Variants in SLC66A1 observed in about 807,000 individuals in gnomAD.
The protein encoded by SLC66A1 is lysosomal amino acid transporter 1 homolog.
Under a neutral mutation model 33.0 loss-of-function variants are expected in SLC66A1, and 23 were observed. That is an observed-to-expected ratio of 0.70 (90% CI 0.50 to 0.99). The LOEUF (loss-of-function observed/expected upper bound fraction) is 0.99. Ranked by LOEUF, SLC66A1 falls within the 50% of genes least tolerant of loss-of-function variation. The probability of loss-of-function intolerance (pLI) is 0.00; values close to 1 mark genes in which losing one functional copy is unlikely to be tolerated. For synonymous variants in SLC66A1, 164 were observed against 175.5 expected (o/e 0.93, Z 0.52); for missense variants, 335 against 383.6 (o/e 0.87, Z 1.06).
At position 19,327,412 on chromosome 1, in the gene SLC66A1, C is replaced by A. The variant is rs746345821; in HGVS notation, c.804C>A (p.Ile268=). The A allele has an allele frequency of 1.3e-6, 2 of 1,587,176 alleles. No homozygotes were observed. The highest frequency in any genetic ancestry group is 1.7e-6 in the Non-Finnish European group (2 of 1,166,220). ...TGGGCGTGCTGCTGCTCGACACCATCGTATCCTTCAGGGCGTGTGGGGCAG... is the reference window on the plus strand; with the variant it reads ...TGGGCGTGCTGCTGCTCGACACCATAGTATCCTTCAGGGCGTGTGGGGCAG... The part of the protein sequence containing the change: ...GSLGVLLLDT[I]ISIQFLVYRR... The change falls in exon 7 of 8, where the codon ATC becomes ATA. Residue 268 remains isoleucine (I), a splice_region_variant and synonymous_variant. Transcript: ENST00000375153.
chr1:19,330,356 G>A (rs2093889077), downstream of SLC66A1, among the ~76,000 whole-genome samples: 2 of 152,170 alleles, frequency 1.3e-5, no homozygotes, highest in Non-Finnish European at 2.9e-5. Context: ...TCCCAGCCCC[G>A]GAGAAGGGAA....
chr1:19,324,291 G>A (rs2093851906), intron 2 of SLC66A1, among the ~76,000 whole-genome samples: 1 of 152,226 alleles, frequency 6.6e-6, no homozygotes, highest in Admixed American at 6.5e-5. Context: ...TGCAGCGGTT[G>A]TCAGGGCCCA....
chr1:19,324,442 CA>C (rs1195393829), intron 2 of SLC66A1, among the ~76,000 whole-genome samples, 190 bp from the exon 3 acceptor site: 1 of 152,356 alleles, frequency 6.6e-6, no homozygotes, highest in East Asian at 1.9e-4. Flanking sequence ...AGGGATTCCC[CA>C]GGGGACTCCT....
intron 6 of SLC66A1, 150 bp downstream of exon 6, chr1:19,326,773 A>G (rs2093870041): frequency 6.0e-6 from 5 of 838,064 alleles, no homozygotes; most frequent in East Asian, 2.7e-5. Flanking sequence ...AGTTAATCCA[A>G]TCTCCGAGCC....
intron 2 of SLC66A1, among the ~76,000 whole-genome samples, chr1:19,320,735 C>T (rs569584793): frequency 3.4e-5 from 5 of 146,620 alleles, no homozygotes; most frequent in South Asian, 2.2e-4. Context: ...TTTTTTGAGA[C>T]GTAGTCTTGC....
In SLC66A1 at chr1:19,324,656, C is replaced by T. The variant is rs757043803; in HGVS notation, c.188C>T (p.Thr63Met). ...TFPQFIKAYK[T>M]GNMDQALSLW... Reference sequence around the variant, plus strand: ...AGCCAGTTCATCAAAGCCTACAAGACGGGCAACATGGACCAGGCGCTGTCC... The same window carrying T: ...AGCCAGTTCATCAAAGCCTACAAGATGGGCAACATGGACCAGGCGCTGTCC... Residue 63 changes from threonine to methionine, a missense_variant, in exon 3 of 8, where the codon ACG (threonine) becomes ATG (methionine). Coordinates refer to ENST00000375153, the MANE Select transcript of SLC66A1 (RefSeq NM_001040125.2). The T allele has an allele frequency of 2.9e-5, 47 of 1,614,080 alleles. No homozygotes were observed. The highest frequency in any genetic ancestry group is 1.6e-4 in the Middle Eastern group (1 of 6,084).
At chr1:19,326,133 C>T (rs2093864739) in intron 4 of SLC66A1, 112 bp from the exon 5 acceptor site, 4 of 1,011,934 alleles carry the variant, frequency 4.0e-6, no homozygotes, top group Non-Finnish European at 4.4e-6. Flanking sequence ...GGTTAGGTCA[C>T]TTGCCCAAGG....
In SLC66A1 at chr1:19,313,346, C is replaced by T. The variant is rs1030811098; in HGVS notation, c.-79+457C>T. 9 of 688,272 alleles carry T rather than the reference C, an allele frequency of 1.3e-5. No homozygotes were observed. In the African/African-American group the frequency reaches 1.8e-4, roughly 13 times the overall value. 42.6% of individuals were successfully genotyped at this position (688,272 alleles called of 1,614,324 possible). ...TCCTTTCTCACCCGTTTCCTCTCTT[C>T]TTCACTCTGTCCTTCTCTCTACCTC... On this transcript the variant is annotated intron_variant, in intron 1 of 7. Transcript: ENST00000375153.
chr1:19,332,365 G>A (rs1002554577), downstream of SLC66A1, among the ~76,000 whole-genome samples: 8 of 152,176 alleles, frequency 5.3e-5, 1 homozygote, highest in African/African-American at 1.2e-4. Context: ...ACGGAGGCTC[G>A]TGTCCCAGCA....
chr1:19,318,260 C>A (rs1459872430), intron 2 of SLC66A1, among the ~76,000 whole-genome samples: 4 of 152,124 alleles, frequency 2.6e-5, no homozygotes, highest in African/African-American at 9.7e-5. Context: ...AGTGGGAGGG[C>A]TGGGATGCGT....
At chr1:19,318,079 C>T (rs2093815361) in intron 2 of SLC66A1, among the ~76,000 whole-genome samples, 1 of 152,222 alleles carries the variant, frequency 6.6e-6, no homozygotes, top group Non-Finnish European at 1.5e-5. Context: ...CCACCATATA[C>T]CTGGCTTGCT....
chr1:19,324,737 T>C lies in SLC66A1; in HGVS notation c.269T>C (p.Phe90Ser), dbSNP rs761551442. The C allele has an allele frequency of 3.8e-5, 62 of 1,614,016 alleles. 2 individuals are homozygous for C. The South Asian group carries it at 6.5e-4, about 17-fold the overall frequency. ...GACTCCTGCAACCTCATCGGCTCCT[T>C]CCTTGCTGACCAGCTGCCCCTGCAG... is the stretch of plus-strand genomic sequence containing the variant. ...GGDSCNLIGS[F>S]LADQLPLQTY... Residue 90 changes from phenylalanine (F) to serine (S), a missense_variant, in exon 3 of 8, where the codon TTC becomes TCC. Transcript: ENST00000375153.
At chr1:19,314,954 T>C (rs2093797287) in intron 1 of SLC66A1, among the ~76,000 whole-genome samples, 2 of 152,118 alleles carry the variant, frequency 1.3e-5, no homozygotes, top group Non-Finnish European at 2.9e-5. Context: ...TGTCACCCAG[T>C]TGGAGTGCAA....
At chr1:19,313,307 T>A in intron 1 of SLC66A1, 7 of 917,250 alleles carry the variant, frequency 7.6e-6, no homozygotes, top group Non-Finnish European at 9.0e-6. Flanking sequence ...CTCTTCTCTC[T>A]CTTCCACCCT....
chr1:19,327,712 T>G, intron 7 of SLC66A1: 1 of 563,206 alleles, frequency 1.8e-6, no homozygotes, highest in Non-Finnish European at 3.5e-6. Flanking sequence ...ATTACTTCAT[T>G]GCAGTGGCAC....
intron 1 of SLC66A1, among the ~76,000 whole-genome samples, chr1:19,314,892 T>C (rs1288536995): frequency 1.5e-5 from 2 of 131,552 alleles, no homozygotes; most frequent in African/African-American, 5.8e-5. Context: ...CTGGACTATA[T>C]GGTTTTTTTT....
chr1:19,319,362 T>A (rs763443204), intron 2 of SLC66A1, among the ~76,000 whole-genome samples: 5 of 152,218 alleles, frequency 3.3e-5, no homozygotes, highest in African/African-American at 1.2e-4. Context: ...TTTCTGGACA[T>A]TTCATGATTC....
At position 19,312,417 on chromosome 1, in the gene SLC66A1, T is replaced by G; in HGVS notation, c.-551T>G. 4 of 202,754 alleles carry G rather than the reference T, an allele frequency of 2.0e-5. No homozygotes were observed. Among genetic ancestry groups the G allele is most frequent in the Non-Finnish European group, 3.9e-5 (4 of 101,782 alleles). 12.6% of individuals were successfully genotyped at this position (202,754 alleles called of 1,614,324 possible). Reference sequence around the variant, plus strand: ...CGGCTGGGGGTCGGGGCTCCTGGGCTTCCCTGCCACATCCTTCCAGCCCTC... The same window carrying G: ...CGGCTGGGGGTCGGGGCTCCTGGGCGTCCCTGCCACATCCTTCCAGCCCTC... On this transcript the variant is annotated 5_prime_UTR_variant, in exon 1 of 8. Transcript: ENST00000375153.
chr1:19,333,353 AT>A (rs1216319492), downstream of SLC66A1, among the ~76,000 whole-genome samples: 1 of 151,710 alleles, frequency 6.6e-6, no homozygotes, highest in African/African-American at 2.4e-5. The surrounding 1 kb of genome is among the most constrained non-coding windows in gnomAD (Gnocchi z 4.2). Flanking sequence ...TAGTTTTTGT[AT>A]TTTTGGTAGA....
Sources: allele counts gnomAD v4.1 joint callset (sites outside exome capture counted in the v4.1 genomes callset), GRCh38; gene constraint gnomAD v4.1.1; non-coding constraint Gnocchi (gnomAD v3.1); transcripts MANE v1.5; gene names NCBI Gene and HGNC (gene_info 2026-07-23, HGNC 2026-07-21).